Variants in KIF6 observed in about 807,000 individuals in gnomAD.
KIF6 encodes kinesin family member 6.
Under a neutral mutation model 112.7 loss-of-function variants are expected in KIF6, and 106 were observed. The observed-to-expected ratio is 0.94, with a 90% CI of 0.80 to 1.11. The LOEUF is 1.11. KIF6 is among the 50% of genes least tolerant of loss of function. The pLI is 0.00. For synonymous variants in KIF6, 339 were observed against 339.9 expected, an observed-to-expected ratio of 1.00 and a Z score of 0.03; for missense variants, 929 against 964.0, an observed-to-expected ratio of 0.96 and a Z score of 0.48.
intron 6 of KIF6, among the ~76,000 whole-genome samples, chr6:39,612,495 C>T (rs1783269974): frequency 1.3e-5 from 2 of 152,154 alleles, no homozygotes; most frequent in Admixed American, 6.5e-5. Flanking sequence ...CCTGACCAAG[C>T]TGGGTCAATC....
chr6:39,578,580 C>T (rs114162255), intron 9 of KIF6, among the ~76,000 whole-genome samples: 1 of 152,010 alleles, frequency 6.6e-6, no homozygotes. Flanking sequence ...ATCCACCCAC[C>T]CTGGCCTCCC....
At chr6:39,500,394 G>A (rs1776054898) in intron 13 of KIF6, among the ~76,000 whole-genome samples, 1 of 152,186 alleles carries the variant, frequency 6.6e-6, no homozygotes, top group Admixed American at 6.5e-5. Context: ...GAGACTAGGG[G>A]AAGGAATCTG....
intron 3 of KIF6, among the ~76,000 whole-genome samples, chr6:39,684,131 C>T (rs186729204): frequency 1.2e-4 from 18 of 152,320 alleles, no homozygotes; most frequent in Non-Finnish European, 1.9e-4. Context: ...GGCTGCTAGT[C>T]AGCTCTTGCC....
intron 13 of KIF6, among the ~76,000 whole-genome samples, chr6:39,538,457 C>G (rs1778577024): frequency 6.6e-6 from 1 of 151,754 alleles, no homozygotes; most frequent in Non-Finnish European, 1.5e-5. Flanking sequence ...CCAAAAGACA[C>G]ATGAAAAAAT....
At chr6:39,567,793 C>T (rs530720793) in intron 10 of KIF6, among the ~76,000 whole-genome samples, 1 of 151,960 alleles carries the variant, frequency 6.6e-6, no homozygotes, top group Non-Finnish European at 1.5e-5. Context: ...ATTTTTAGTA[C>T]AGACGGGGTT....
At chr6:39,575,213 A>G (rs10807209) in intron 10 of KIF6, among the ~76,000 whole-genome samples, 81,641 of 151,570 alleles carry the variant, frequency 0.54, 24,341 homozygotes, top group African/African-American at 0.81. Context: ...TCTCAGCTTG[A>G]GCAGCTTGTC....
At chr6:39,395,085 C>A (rs543012285) in intron 15 of KIF6, among the ~76,000 whole-genome samples, 4 of 152,300 alleles carry the variant, frequency 2.6e-5, no homozygotes, top group African/African-American at 9.6e-5. Flanking sequence ...TTGGGGAATG[C>A]TCTCATTTAC....
Position 39,331,848 on chromosome 6 carries a change from CT to C in KIF6, c.*4683del, listed in dbSNP as rs1762749748. ...TAAGGAATTACAAGGAGCATTTTTTCTGCCTAGATTTGAAACACACACCCAT... is the reference window on the plus strand; with the variant it reads ...TAAGGAATTACAAGGAGCATTTTTTCGCCTAGATTTGAAACACACACCCAT... On this transcript the variant is annotated 3_prime_UTR_variant, in exon 23 of 23. Transcript: ENST00000287152. 2 of 152,158 alleles carry C rather than the reference CT, an allele frequency of 1.3e-5. No individual in the cohort carries two copies. The highest frequency in any genetic ancestry group is 4.8e-5 in the African/African-American group (2 of 41,406). 9.4% of individuals were successfully genotyped at this position (152,158 alleles called of 1,614,324 possible).
chr6:39,467,198 A>G (rs998167270), intron 13 of KIF6, among the ~76,000 whole-genome samples: 1 of 152,262 alleles, frequency 6.6e-6, no homozygotes, highest in Non-Finnish European at 1.5e-5. Flanking sequence ...TAGTAGCTCC[A>G]TGAGAGCAAC....
rs1763374972 is a variant in KIF6, at chr6:39,342,529, A to G, written c.2428+1180T>C. On this transcript the variant is annotated intron_variant, in intron 22 of 22. Coordinates refer to ENST00000287152, the MANE Select transcript of KIF6 (RefSeq NM_145027.6). This position sits in a 1 kb window ranked among gnomAD's most constrained non-coding sequence, Gnocchi z 4.7. ...ACTGATTGGCTGTTCATTGCTGTTC[A>G]GTGCCTGATACCTATCATCAGAGTA... 6.6e-6 allele frequency among the ~76,000 whole-genome samples: 1 copy of G among 151,182 alleles called. No individual in the cohort carries two copies. Among genetic ancestry groups the G allele is most frequent in the South Asian group, 2.1e-4 (1 of 4,822 alleles).
rs180995707 is a variant in KIF6 at position 39,624,390 on chromosome 6, G to A, written c.509+10459C>T. Among the ~76,000 whole-genome samples the A allele has an allele frequency of 7.9e-5, 12 of 152,224 alleles. No individual in the cohort carries two copies. The East Asian group carries it at 1.5e-3, about 20-fold the overall frequency. ...CTCTATCAGTTGAGCTATAATAGAC[G>A]TGTTTCTAAACCCTGTACATTTTTC... is the stretch of plus-strand genomic sequence containing the variant. On this transcript the variant is annotated intron_variant, in intron 5 of 22. Coordinates refer to ENST00000287152, the MANE Select transcript of KIF6 (RefSeq NM_145027.6).
intron 3 of KIF6, among the ~76,000 whole-genome samples, chr6:39,694,803 T>C (rs1360151669): frequency 6.6e-6 from 1 of 152,080 alleles, no homozygotes; most frequent in Non-Finnish European, 1.5e-5. Flanking sequence ...TTTTCACAGA[T>C]TTAGAAAAAA....
chr6:39,631,289 T>G (rs1784339976), intron 5 of KIF6, among the ~76,000 whole-genome samples: 1 of 152,044 alleles, frequency 6.6e-6, no homozygotes, highest in Non-Finnish European at 1.5e-5. Context: ...CTTGTTTTTC[T>G]TTTACTGAAG....
chr6:39,486,090 C>T (rs376803917), intron 13 of KIF6, among the ~76,000 whole-genome samples: 62 of 152,318 alleles, frequency 4.1e-4, no homozygotes, highest in African/African-American at 1.4e-3. Flanking sequence ...AACACTTTGA[C>T]ATTTTGTCCA....
chr6:39,550,835 G>A (rs919778644), intron 10 of KIF6, among the ~76,000 whole-genome samples: 5 of 152,190 alleles, frequency 3.3e-5, no homozygotes, highest in African/African-American at 1.2e-4. Context: ...GGTTAAACAT[G>A]GGGATACTGA....
intron 16 of KIF6, among the ~76,000 whole-genome samples, chr6:39,382,484 G>A (rs947577075): frequency 2.0e-5 from 3 of 152,146 alleles, no homozygotes; most frequent in East Asian, 1.9e-4. Flanking sequence ...TCATGTTGCC[G>A]CAAAGGATGT....
intron 15 of KIF6, among the ~76,000 whole-genome samples, chr6:39,390,167 T>A (rs905544553): frequency 6.6e-6 from 1 of 151,440 alleles, no homozygotes; most frequent in South Asian, 2.1e-4. Flanking sequence ...ATTTGAAAAA[T>A]GGAAAAATAT....
intron 13 of KIF6, among the ~76,000 whole-genome samples, chr6:39,433,204 C>T (rs968803305): frequency 5.9e-5 from 9 of 152,298 alleles, no homozygotes; most frequent in East Asian, 1.9e-4. Context: ...TTCCCAACAA[C>T]GAACAACACA....
chr6:39,504,839 G>T (rs887602379), intron 13 of KIF6, among the ~76,000 whole-genome samples: 3 of 152,130 alleles, frequency 2.0e-5, no homozygotes, highest in African/African-American at 7.2e-5. Flanking sequence ...ACTGATCAAA[G>T]AAATCAGTCA....
Sources: allele counts gnomAD v4.1 joint callset (sites outside exome capture counted in the v4.1 genomes callset), GRCh38; gene constraint gnomAD v4.1.1; non-coding constraint Gnocchi (gnomAD v3.1); transcripts MANE v1.5; gene names NCBI Gene and HGNC (gene_info 2026-07-23, HGNC 2026-07-21).